ZC3HC1: variants seen among roughly 807,000 people sequenced by gnomAD.
ZC3HC1 encodes the protein zinc finger C3HC-type containing 1, also known as zinc finger C3HC-type protein 1.
ZC3HC1 carries 38 observed loss-of-function variants against 61.9 expected under a neutral mutation model. The observed-to-expected ratio is 0.61, with a 90% CI of 0.47 to 0.81. The LOEUF is 0.81. Ranked by LOEUF, ZC3HC1 falls within the 30% of genes least tolerant of loss-of-function variation. The pLI, the probability that ZC3HC1 is intolerant of heterozygous loss-of-function variation, is 0.00. For synonymous variants in ZC3HC1, 213 were observed against 229.9 expected (o/e 0.93, Z 0.67); for missense variants, 554 against 622.7 (o/e 0.89, Z 1.17).
rs1051708285 is a variant in ZC3HC1 at position 130,047,339 on chromosome 7, G to A, written c.258+1694C>T. On this transcript the variant is annotated intron_variant, in intron 2 of 9. Coordinates refer to ENST00000358303, the MANE Select transcript of ZC3HC1 (RefSeq NM_016478.5). The stretch of plus-strand genomic sequence containing the variant: ...TCAAACTCCTGACCTCAGGTGATCC[G>A]CCCACCTTGGCCTCCTAAAGTGCTA... 3.9e-5 allele frequency among the ~76,000 whole-genome samples: 6 copies of A among 152,046 alleles called. No individual in the cohort carries two copies. The East Asian group carries it at 5.8e-4, about 15-fold the overall frequency.
At chr7:130,022,022 A>T (rs1052375913) in intron 9 of ZC3HC1, among the ~76,000 whole-genome samples, 4 of 152,034 alleles carry the variant, frequency 2.6e-5, no homozygotes, top group African/African-American at 7.2e-5. Flanking sequence ...AAAATACAAA[A>T]TTAGCCGGGT....
intron 1 of ZC3HC1, among the ~76,000 whole-genome samples, chr7:130,050,806 C>T (rs913824003): frequency 2.0e-5 from 3 of 152,172 alleles, no homozygotes; most frequent in African/African-American, 7.2e-5. Context: ...ATCTTGATAA[C>T]TACATTCCAA....
chr7:130,028,960 C>A lies in ZC3HC1; in HGVS notation c.563G>T (p.Ser188Ile). 1.2e-6 allele frequency: 2 copies of A among 1,613,846 alleles called. No homozygotes were observed. Among genetic ancestry groups the A allele is most frequent in the Non-Finnish European group, 1.7e-6 (2 of 1,179,852 alleles). Reference sequence around the variant, plus strand: ...AAGCTGGAGGTCCAAGTGACAAAGGCTTTGAAAACGATCTAGGAATTCACT... The same window carrying A: ...AAGCTGGAGGTCCAAGTGACAAAGGATTTGAAAACGATCTAGGAATTCACT... ...LVSEFLDRFQ[S>I]LCHLDLQLPS... The change falls in exon 5 of 10, where the codon AGC (serine) becomes ATC (isoleucine). Residue 188 changes from serine (S) to isoleucine (I), a missense_variant. Coordinates refer to ENST00000358303, the MANE Select transcript of ZC3HC1 (RefSeq NM_016478.5).
Position 130,051,357 on chromosome 7 carries a change from G to A in ZC3HC1, c.10C>T (p.Pro4Ser). Residue 4 changes from proline to serine, a missense_variant, in exon 1 of 10, where the codon CCC becomes TCC. Physicochemically the swap from Pro to Ser is moderately conservative, Grantham distance 74. Transcript: ENST00000358303. Reference protein sequence around the residue: MAAPCEGQAFAVGV... With the variant: MAASCEGQAFAVGV... Reference sequence around the variant, plus strand: ...ACGGCAAACGCTTGTCCCTCACAGGGCGCCGCCATCTTGGTCCGCTGCCGA... The same window carrying A: ...ACGGCAAACGCTTGTCCCTCACAGGACGCCGCCATCTTGGTCCGCTGCCGA... The A allele has an allele frequency of 1.2e-6, 2 of 1,612,488 alleles. No homozygotes were observed. The highest frequency in any genetic ancestry group is 8.5e-7 in the Non-Finnish European group (1 of 1,179,198).
chr7:130,050,262 A>G (rs1795025487), intron 1 of ZC3HC1, among the ~76,000 whole-genome samples: 1 of 152,132 alleles, frequency 6.6e-6, no homozygotes, highest in Non-Finnish European at 1.5e-5. Flanking sequence ...TATTTTTAGT[A>G]GAGATGGGGT....
intron 3 of ZC3HC1, among the ~76,000 whole-genome samples, chr7:130,040,606 G>C (rs1163367717): frequency 1.3e-5 from 2 of 148,556 alleles, no homozygotes; most frequent in Non-Finnish European, 3.0e-5. Context: ...AGGAGTTCAA[G>C]ACTAGCCTGA....
In ZC3HC1 at chr7:130,023,679, C is replaced by A; in HGVS notation, c.1065G>T (p.Trp355Cys). Residue 355 changes from tryptophan to cysteine, a missense_variant, in exon 8 of 10, where the codon TGG (tryptophan) becomes TGT (cysteine). Coordinates refer to ENST00000358303, the MANE Select transcript of ZC3HC1 (RefSeq NM_016478.5). This position sits in a 1 kb window ranked among gnomAD's most constrained non-coding sequence, Gnocchi z 4.2. ...PGPIVSRTRS[W>C]DSSSPVDRPE... ...GACGGTCAACAGGACTGGAAGAGTC[C>A]CAGCTCCGAGTTCGAGAGACAATGG... 6.2e-7 allele frequency: 1 copy of A among 1,614,176 alleles called. No homozygotes were observed.
At chr7:130,021,117 G>A (rs1463889675) in intron 9 of ZC3HC1, among the ~76,000 whole-genome samples, 1 of 151,502 alleles carries the variant, frequency 6.6e-6, no homozygotes, top group Admixed American at 6.6e-5. Context: ...ATGTTGGCTA[G>A]GTTGTCTCAA....
intron 2 of ZC3HC1, among the ~76,000 whole-genome samples, chr7:130,046,642 A>AAAACAATGG (rs1321790504): frequency 2.0e-5 from 3 of 152,148 alleles, no homozygotes; most frequent in Non-Finnish European, 4.4e-5. Context: ...AAAAGGAAAC[A>AAAACAATGG]AAACAATGGA....
At position 130,051,235 on chromosome 7, in the gene ZC3HC1, C is replaced by A; in HGVS notation, c.132G>T (p.Glu44Asp). The A allele has an allele frequency of 6.2e-7, 1 of 1,608,328 alleles. No individual in the cohort carries two copies. Residue 44 changes from glutamate (E) to aspartate (D), a missense_variant, in exon 1 of 10, where the codon GAG becomes GAT. Physicochemically the swap from Glu to Asp is conservative, Grantham distance 45 (BLOSUM62 2). Transcript: ENST00000358303. ...QLIDEGIAPE[E>D]GGVDAKDTSA... ...CGTGAACTCACGCGTCCACGCCTCC[C>A]TCTTCCGGGGCAATCCCCTCATCTA...
At chr7:130,026,546 G>T (rs563573373) in intron 5 of ZC3HC1, 132 of 397,034 alleles carry the variant, frequency 3.3e-4, no homozygotes, top group Non-Finnish European at 5.4e-4. Flanking sequence ...CCCTGGAACT[G>T]CCAAAACTCT....
intron 2 of ZC3HC1, among the ~76,000 whole-genome samples, chr7:130,047,637 C>T (rs1313533417): frequency 1.1e-5 from 1 of 92,490 alleles, no homozygotes; most frequent in East Asian, 2.5e-4. Context: ...AAGACTTTGT[C>T]TACACACACA....
chr7:130,032,445 A>G (rs1794238638), intron 4 of ZC3HC1, among the ~76,000 whole-genome samples: 1 of 151,018 alleles, frequency 6.6e-6, no homozygotes, highest in Non-Finnish European at 1.5e-5. Flanking sequence ...CAGGAGTTTG[A>G]GATCAGCCTG....
Position 130,039,447 on chromosome 7 carries a change from T to C in ZC3HC1, c.493+17A>G, listed in dbSNP as rs1422584045. 1.3e-6 allele frequency: 2 copies of C among 1,597,870 alleles called. No individual in the cohort carries two copies. The highest frequency in any genetic ancestry group is 2.2e-5 in the East Asian group (1 of 44,748). The stretch of plus-strand genomic sequence containing the variant: ...ATGAAGGAAAAATGGTGAACAGGAA[T>C]TCTCAAAAATAAGTACCTGGGGATG... On this transcript the variant is annotated intron_variant, in intron 4 of 9. Transcript: ENST00000358303.
In ZC3HC1 at chr7:130,041,660, C is replaced by G. The variant is rs113858172; in HGVS notation, c.259-559G>C. Reference sequence around the variant, plus strand: ...TCTCCTGCCTCAGCCTCCCGAGTAGCTGGGATTACAGGCATCTGCCACTGC... The same window carrying G: ...TCTCCTGCCTCAGCCTCCCGAGTAGGTGGGATTACAGGCATCTGCCACTGC... On this transcript the variant is annotated intron_variant, in intron 2 of 9. Coordinates refer to ENST00000358303, the MANE Select transcript of ZC3HC1 (RefSeq NM_016478.5). Among the ~76,000 whole-genome samples, 295 of 151,764 alleles carry G rather than the reference C, an allele frequency of 1.9e-3. 2 individuals are homozygous for G. Among genetic ancestry groups the G allele is most frequent in the African/African-American group, 6.7e-3 (278 of 41,388 alleles).
rs372779162 is a variant in ZC3HC1, at chr7:130,024,565, G to A, written c.777-59C>T. 31 of 1,546,254 alleles carry A rather than the reference G, an allele frequency of 2.0e-5. No homozygotes were observed. The African/African-American group carries it at 3.7e-4, about 18-fold the overall frequency. ...GTGTAACATTTCCAAATGACTAAGT[G>A]CAATGTCTTGTGAGTATGCCTTATC... On this transcript the variant is annotated intron_variant, in intron 6 of 9. Transcript: ENST00000358303.
At chr7:130,032,503 G>A (rs903193548) in intron 4 of ZC3HC1, among the ~76,000 whole-genome samples, 5 of 150,840 alleles carry the variant, frequency 3.3e-5, no homozygotes, top group African/African-American at 1.2e-4. Context: ...AAAATTAGCT[G>A]GATGTGGTGG....
intron 2 of ZC3HC1, among the ~76,000 whole-genome samples, chr7:130,048,548 G>T (rs1794954439): frequency 6.6e-6 from 1 of 152,108 alleles, no homozygotes; most frequent in Non-Finnish European, 1.5e-5. Flanking sequence ...TGCAGCAATA[G>T]GTAGCTAATA....
intron 4 of ZC3HC1, among the ~76,000 whole-genome samples, chr7:130,035,605 C>G (rs987880919): frequency 6.6e-6 from 1 of 151,914 alleles, no homozygotes; most frequent in East Asian, 1.9e-4. Context: ...CTCAACATCC[C>G]CTAGTAGCTG....
Sources: allele counts gnomAD v4.1 joint callset (sites outside exome capture counted in the v4.1 genomes callset), GRCh38; gene constraint gnomAD v4.1.1; non-coding constraint Gnocchi (gnomAD v3.1); transcripts MANE v1.5; gene names NCBI Gene and HGNC (gene_info 2026-07-23, HGNC 2026-07-21).